The following TRIP12 variants were observed in gnomAD, a reference collection of about 807,000 sequenced individuals.
The protein encoded by TRIP12 is thyroid hormone receptor interactor 12.
Under a neutral mutation model 244.2 loss-of-function variants are expected in TRIP12, and 25 were observed. The observed-to-expected ratio is 0.10, with a 90% confidence interval of 0.07 to 0.14. TRIP12 has a LOEUF of 0.14. TRIP12 is among the 10% of genes least tolerant of loss of function. TRIP12 has a pLI of 1.00. For missense variants in TRIP12, 1,677 were observed against 2,486.4 expected, an observed-to-expected ratio of 0.67 and a Z score of 6.92; for synonymous variants, 905 against 873.1, an observed-to-expected ratio of 1.04 and a Z score of -0.64.
chr2:229,916,105 G>A (rs1442244381), intron 1 of TRIP12, among the ~76,000 whole-genome samples: 1 of 152,216 alleles, frequency 6.6e-6, no homozygotes, highest in Non-Finnish European at 1.5e-5. Context: ...AGGGCCTTGT[G>A]TTCCAATTCA....
intron 24 of TRIP12, 24 bp downstream of exon 24, chr2:229,797,666 A>C (rs1461033452): frequency 1.2e-6 from 2 of 1,608,304 alleles, no homozygotes; most frequent in Non-Finnish European, 1.7e-6. Context: ...GAAAAAGACC[A>C]GCAAAATGCA....
At chr2:229,864,033 A>AGG (rs1472603366) in intron 2 of TRIP12, among the ~76,000 whole-genome samples, 1 of 118,244 alleles carries the variant, frequency 8.5e-6, no homozygotes, top group East Asian at 2.1e-4. Flanking sequence ...AGAGAGAGAG[A>AGG]GAGAGAGAGA....
intron 9 of TRIP12, among the ~76,000 whole-genome samples, chr2:229,818,127 T>G (rs987911556): frequency 6.6e-6 from 1 of 152,180 alleles, no homozygotes; most frequent in African/African-American, 2.4e-5. Flanking sequence ...ACCAGTCATT[T>G]AAGTATCAAG....
chr2:229,818,784 C>A (rs2049142092), intron 8 of TRIP12, among the ~76,000 whole-genome samples: 1 of 152,054 alleles, frequency 6.6e-6, no homozygotes, highest in Admixed American at 6.6e-5. Flanking sequence ...AAAATAATAT[C>A]CCTAAGACCA....
At position 229,769,334 on chromosome 2, in the gene TRIP12, TTAAA is replaced by T; in HGVS notation, c.5809-13_5809-10del. The T allele has an allele frequency of 6.2e-7, 1 of 1,613,468 alleles. No homozygotes were observed. Among genetic ancestry groups the T allele is most frequent in the South Asian group, 1.1e-5 (1 of 91,028 alleles). The stretch of plus-strand genomic sequence containing the variant: ...CAAAGGAGCTGATCCAGCTGTGAGT[TTAAA>T]TAAGGGTAAAAAGAATTACTAAGGA... On this transcript the variant is annotated splice_polypyrimidine_tract_variant and intron_variant, in intron 39 of 41. Transcript: ENST00000675903.
intron 13 of TRIP12, 104 bp from the exon 14 acceptor site, chr2:229,811,308 G>C: frequency 1.7e-6 from 2 of 1,160,498 alleles, no homozygotes; most frequent in Non-Finnish European, 2.4e-6. Context: ...TTCAAGGCAA[G>C]CTCAATTAGT....
chr2:229,909,089 C>CAAAA (rs11390500), intron 1 of TRIP12, among the ~76,000 whole-genome samples: 1 of 110,676 alleles, frequency 9.0e-6, no homozygotes, highest in African/African-American at 3.6e-5. Context: ...GACTCTGTCT[C>CAAAA]AAAAAAAAAA....
intron 8 of TRIP12, among the ~76,000 whole-genome samples, chr2:229,827,186 A>C (rs151199261): frequency 0.015 from 2,265 of 152,118 alleles, 56 homozygotes; most frequent in African/African-American, 0.05. Flanking sequence ...AGGCTGAAGC[A>C]GGAGAATCGC....
At chr2:229,863,247 AAAG>A (rs966263360) in intron 2 of TRIP12, among the ~76,000 whole-genome samples, 3 of 151,374 alleles carry the variant, frequency 2.0e-5, no homozygotes, top group African/African-American at 4.9e-5. Flanking sequence ...AAAAAGAAAG[AAAG>A]AAAAAAAAAA....
intron 4 of TRIP12, among the ~76,000 whole-genome samples, chr2:229,848,857 T>C (rs1042167556): frequency 3.9e-5 from 6 of 152,242 alleles, no homozygotes; most frequent in African/African-American, 1.4e-4. Flanking sequence ...CAGAACTCTA[T>C]ATTCACCAAT....
intron 9 of TRIP12, among the ~76,000 whole-genome samples, chr2:229,816,143 T>C (rs187290426): frequency 1.3e-5 from 2 of 152,268 alleles, no homozygotes; most frequent in African/African-American, 2.4e-5. Flanking sequence ...TTCAATTAAA[T>C]TTATAATGAC....
chr2:229,911,665 T>C (rs1304681535), intron 1 of TRIP12, among the ~76,000 whole-genome samples: 2 of 152,210 alleles, frequency 1.3e-5, no homozygotes, highest in Non-Finnish European at 2.9e-5. Flanking sequence ...ATACATTGTA[T>C]GTATTGACAC....
At chr2:229,780,565 GTC>G (rs1417053921) in intron 34 of TRIP12, among the ~76,000 whole-genome samples, 1 of 152,230 alleles carries the variant, frequency 6.6e-6, no homozygotes, top group East Asian at 1.9e-4. Flanking sequence ...ACCCTGCTCA[GTC>G]TCTCTGACTC....
chr2:229,862,816 CCTTA>C (rs1161542663), intron 2 of TRIP12, among the ~76,000 whole-genome samples: 1 of 152,098 alleles, frequency 6.6e-6, no homozygotes, highest in Non-Finnish European at 1.5e-5. Flanking sequence ...TTTCTCATGC[CCTTA>C]CTAATACCTT....
At chr2:229,838,331 C>CA (rs2055371452) in intron 5 of TRIP12, among the ~76,000 whole-genome samples, 1 of 152,214 alleles carries the variant, frequency 6.6e-6, no homozygotes, top group Admixed American at 6.5e-5. Flanking sequence ...ACTTTGGATA[C>CA]ATAGGGCTGC....
chr2:229,922,249 A>G (rs939621093), upstream of TRIP12: 9 of 469,336 alleles, frequency 1.9e-5, no homozygotes, highest in African/African-American at 1.6e-4. Context: ...GTGGAGATCT[A>G]CTTGGTATCC....
At position 229,799,265 on chromosome 2, in the gene TRIP12, T is replaced by A. The variant is rs561021321; in HGVS notation, c.3307+18A>T. 6.2e-7 allele frequency: 1 copy of A among 1,612,132 alleles called. No homozygotes were observed. Among genetic ancestry groups the A allele is most frequent in the African/African-American group, 1.3e-5 (1 of 75,004 alleles). On this transcript the variant is annotated intron_variant, in intron 22 of 41. Transcript: ENST00000675903. Reference sequence around the variant, plus strand: ...CACCCTCCCCTTTACCTCCCCATAGTTTCATCAAAGGGGTTACCTTGATTG... The same window carrying A: ...CACCCTCCCCTTTACCTCCCCATAGATTCATCAAAGGGGTTACCTTGATTG...
In TRIP12 at chr2:229,830,848, G is replaced by A. The variant is rs751776069; in HGVS notation, c.1271-9C>T. The A allele has an allele frequency of 2.5e-6, 4 of 1,613,790 alleles. No individual in the cohort carries two copies. The highest frequency in any genetic ancestry group is 3.3e-5 in the Admixed American group (2 of 59,956). On this transcript the variant is annotated splice_polypyrimidine_tract_variant and intron_variant, in intron 6 of 41. Coordinates refer to ENST00000675903, the MANE Select transcript of TRIP12 (RefSeq NM_001348323.3). ...TGCAACAGAACTAGAGGCTTGGGGT[G>A]GAGGGGAAAGATGAGGGTTAGGAGG... is the stretch of plus-strand genomic sequence containing the variant.
intron 2 of TRIP12, among the ~76,000 whole-genome samples, chr2:229,870,485 A>G (rs2062363288): frequency 6.6e-6 from 1 of 152,240 alleles, no homozygotes; most frequent in Non-Finnish European, 1.5e-5. Context: ...CCAAAATGTT[A>G]CAGTGCTTTG....
Sources: gnomAD v4.1 joint callset for allele counts (sites outside exome capture counted in the v4.1 genomes callset) on GRCh38, gnomAD v4.1.1 for gene constraint, MANE v1.5 for transcripts, NCBI Gene and HGNC (gene_info 2026-07-23, HGNC 2026-07-21) for gene names.